STYXL2: variants seen among roughly 807,000 people sequenced by gnomAD.
The protein encoded by STYXL2 is serine/threonine/tyrosine interacting like 2, also known as serine/threonine/tyrosine-interacting-like protein 2.
In STYXL2, 44 loss-of-function variants were observed where a neutral mutation model predicts 52.4. That is an observed-to-expected ratio of 0.84 (90% CI 0.66 to 1.08). The LOEUF (loss-of-function observed/expected upper bound fraction) is 1.08. Ranked by LOEUF, STYXL2 falls within the 50% of genes least tolerant of loss-of-function variation. The probability of loss-of-function intolerance (pLI) is 0.00; values close to 1 mark genes in which losing one functional copy is unlikely to be tolerated. For missense variants in STYXL2, 1,604 were observed against 1,471.7 expected, an observed-to-expected ratio of 1.09 and a Z score of -1.47; for synonymous variants, 604 against 586.9, an observed-to-expected ratio of 1.03 and a Z score of -0.42.
intron 2 of STYXL2, among the ~76,000 whole-genome samples, chr1:167,104,051 G>A (rs1177477073): frequency 1.3e-5 from 2 of 152,006 alleles, no homozygotes; most frequent in South Asian, 4.2e-4. Context: ...ATCGGGAGGC[G>A]GAGCTTGCAG....
At chr1:167,094,455 G>C (rs541720191) in intron 1 of STYXL2, 9 of 240,464 alleles carry the variant, frequency 3.7e-5, no homozygotes, top group African/African-American at 2.0e-4. Flanking sequence ...TGAGGGGCGT[G>C]TGTGTATGCA....
chr1:167,125,528 C>T (rs1049165726), intron 5 of STYXL2, among the ~76,000 whole-genome samples: 1 of 152,166 alleles, frequency 6.6e-6, no homozygotes, highest in Admixed American at 6.5e-5. Flanking sequence ...CTCTGTTGCT[C>T]GGTTTGTGAG....
At chr1:167,114,362 T>A (rs143046339) in intron 3 of STYXL2, among the ~76,000 whole-genome samples, 3 of 152,338 alleles carry the variant, frequency 2.0e-5, no homozygotes, top group East Asian at 3.9e-4. Context: ...TTTTTTCTAA[T>A]CAATTTTAAG....
chr1:167,096,916 T>C (rs1473658759), intron 2 of STYXL2, among the ~76,000 whole-genome samples: 4 of 152,212 alleles, frequency 2.6e-5, no homozygotes, highest in South Asian at 2.1e-4. Flanking sequence ...GGTTCTCCAA[T>C]GGGTGTGCAT....
intron 2 of STYXL2, among the ~76,000 whole-genome samples, chr1:167,109,960 A>G (rs1266374121): frequency 6.6e-6 from 1 of 152,234 alleles, no homozygotes; most frequent in African/African-American, 2.4e-5. Flanking sequence ...GGACCCTCAC[A>G]GAGTCCATTT....
chr1:167,098,431 A>T (rs1383538581), intron 2 of STYXL2, among the ~76,000 whole-genome samples: 1 of 151,864 alleles, frequency 6.6e-6, no homozygotes, highest in Non-Finnish European at 1.5e-5. Context: ...AGCTATGACC[A>T]TGCCACTGCA....
At chr1:167,117,674 A>C in intron 4 of STYXL2, 115 bp downstream of exon 4, 2 of 923,340 alleles carry the variant, frequency 2.2e-6, no homozygotes, top group Non-Finnish European at 3.2e-6. Flanking sequence ...CAGCACAATG[A>C]GGCTGCCTAG....
intron 2 of STYXL2, among the ~76,000 whole-genome samples, chr1:167,098,993 G>A (rs2102220960): frequency 6.6e-6 from 1 of 152,270 alleles, no homozygotes; most frequent in African/African-American, 2.4e-5. Context: ...CATCAGAGAA[G>A]TACCAAGGTG....
chr1:167,101,612 T>G (rs1667403436), intron 2 of STYXL2, among the ~76,000 whole-genome samples: 2 of 152,122 alleles, frequency 1.3e-5, no homozygotes, highest in Non-Finnish European at 2.9e-5. Flanking sequence ...GAGACCAGCC[T>G]GTCCAACAGA....
rs143609034 is a variant in STYXL2, at chr1:167,128,552, T to C, written c.3421T>C (p.Trp1141Arg). Residue 1141 changes from tryptophan (W) to arginine (R), a missense_variant, in exon 6 of 6, where the codon TGG (tryptophan) becomes CGG (arginine). Coordinates refer to ENST00000361200, the MANE Select transcript of STYXL2 (RefSeq NM_001080426.3). Reference sequence around the variant, plus strand: ...GGACGATGAAGCCATCATTGCTGCTTGGAGACGCCGGCAAGAAGAAACCAG... The same window carrying C: ...GGACGATGAAGCCATCATTGCTGCTCGGAGACGCCGGCAAGAAGAAACCAG... The part of the protein sequence containing the change: ...EMDDEAIIAA[W>R]RRRQEETRTK... The C allele has an allele frequency of 4.3e-6, 7 of 1,613,722 alleles. No homozygotes were observed. The African/African-American group carries it at 5.3e-5, about 12-fold the overall frequency.
intron 4 of STYXL2, among the ~76,000 whole-genome samples, chr1:167,118,533 C>T (rs1667779562): frequency 1.3e-5 from 2 of 152,210 alleles, no homozygotes; most frequent in African/African-American, 4.8e-5. Flanking sequence ...TCTTCAGATA[C>T]AGAAGCATTC....
At position 167,117,323 on chromosome 1, in the gene STYXL2, T is replaced by A; in HGVS notation, c.206-5T>A. ...TCTGATGAGAATGCTGCCTGTCTCC[T>A]CTAGAACTCAAGCCACCGGGGGTCA... On this transcript the variant is annotated splice_region_variant and splice_polypyrimidine_tract_variant and intron_variant, in intron 3 of 5. Coordinates refer to ENST00000361200, the MANE Select transcript of STYXL2 (RefSeq NM_001080426.3). The A allele has an allele frequency of 6.2e-7, 1 of 1,601,534 alleles. No individual in the cohort carries two copies. The highest frequency in any genetic ancestry group is 8.5e-7 in the Non-Finnish European group (1 of 1,174,204).
chr1:167,117,550 T>C lies in STYXL2; in HGVS notation c.428T>C (p.Ile143Thr), dbSNP rs1259784293. 9 of 1,598,216 alleles carry C rather than the reference T, an allele frequency of 5.6e-6. No individual in the cohort carries two copies. Among genetic ancestry groups the C allele is most frequent in the Middle Eastern group, 1.7e-4 (1 of 6,048 alleles). The change falls in exon 4 of 6, where the codon ATA becomes ACA. Residue 143 changes from isoleucine (I) to threonine (T), a missense_variant. By Grantham distance (89) the Ile-to-Thr change is moderately conservative (BLOSUM62 -1). Transcript: ENST00000361200. ...GATGAGGTCTGGCCCAATGTCTTCA[T>C]AGCTGAGAAGTGAGTCTGACTGCTC... ...EVDEVWPNVF[I>T]AEKSVAVNKG...
Position 167,125,879 on chromosome 1 carries a change from G to A in STYXL2, c.748G>A (p.Glu250Lys), listed in dbSNP as rs540027889. 1 of 1,614,112 alleles carries A rather than the reference G, an allele frequency of 6.2e-7. No homozygotes were observed. Among genetic ancestry groups the A allele is most frequent in the Admixed American group, 1.7e-5 (1 of 60,020 alleles). Residue 250 changes from glutamate (E) to lysine (K), a missense_variant, in exon 6 of 6, where the codon GAG becomes AAG. Physicochemically the swap from Glu to Lys is moderately conservative, Grantham distance 56. Transcript: ENST00000361200. ...GATCTTCCACAACATGGCCATCCTG[G>A]AGGCTTTGATGACCGTGCGTAAGAA... is the stretch of plus-strand genomic sequence containing the variant. ...LMIFHNMAILEALMTVRKKRA... is the reference protein window; with the variant it reads ...LMIFHNMAILKALMTVRKKRA...
chr1:167,112,885 A>T (rs1275080539), intron 2 of STYXL2, among the ~76,000 whole-genome samples: 1 of 152,198 alleles, frequency 6.6e-6, no homozygotes, highest in African/African-American at 2.4e-5. Context: ...TAAGCAGAAA[A>T]AAGAAAATGA....
chr1:167,110,925 G>A (rs371364309), intron 2 of STYXL2, among the ~76,000 whole-genome samples: 11 of 152,178 alleles, frequency 7.2e-5, no homozygotes, highest in African/African-American at 9.7e-5. Flanking sequence ...GATTCCTGAC[G>A]GAAACCCCTT....
Position 167,094,899 on chromosome 1 carries a change from A to G in STYXL2, c.50A>G (p.Glu17Gly), listed in dbSNP as rs749501196. 2 of 1,613,342 alleles carry G rather than the reference A, an allele frequency of 1.2e-6. No homozygotes were observed. Among genetic ancestry groups the G allele is most frequent in the Admixed American group, 1.7e-5 (1 of 59,944 alleles). Residue 17 changes from glutamate to glycine, a missense_variant, in exon 2 of 6, where the codon GAG becomes GGG. Glu to Gly is a moderately conservative substitution (Grantham distance 98). Coordinates refer to ENST00000361200, the MANE Select transcript of STYXL2 (RefSeq NM_001080426.3). ...GAGGAGCAGGTAGTCCCAAGCGAGG[A>G]GGACGAAGCCAACGTGAGGGCGGTG... ...TEEEQVVPSE[E>G]DEANVRAVQA...
chr1:167,117,843 C>T (rs763616110), intron 4 of STYXL2, among the ~76,000 whole-genome samples: 2 of 152,238 alleles, frequency 1.3e-5, no homozygotes, highest in Non-Finnish European at 2.9e-5. Context: ...GCCACAGAGT[C>T]TTGCCGACTT....
rs1235136862 is a variant in STYXL2 at position 167,094,893 on chromosome 1, GC to G, written c.45del (p.Ser15ArgfsTer8). On this transcript the variant is annotated frameshift_variant, in exon 2 of 6. Coordinates refer to ENST00000361200, the MANE Select transcript of STYXL2 (RefSeq NM_001080426.3). LOFTEE classifies it high-confidence loss of function. Reference sequence around the variant, plus strand: ...ACAGAGGAGGAGCAGGTAGTCCCAAGCGAGGAGGACGAAGCCAACGTGAGGG... The same window carrying G: ...ACAGAGGAGGAGCAGGTAGTCCCAAGGAGGAGGACGAAGCCAACGTGAGGG... ...KDTEEEQVVP[S>X]EEDEANVRAV... is the part of the protein sequence containing the mutation. 6.2e-7 allele frequency: 1 copy of G among 1,613,332 alleles called. No individual in the cohort carries two copies. Among genetic ancestry groups the G allele is most frequent in the Non-Finnish European group, 8.5e-7 (1 of 1,179,850 alleles).
Sources: allele counts gnomAD v4.1 joint callset (sites outside exome capture counted in the v4.1 genomes callset), GRCh38; gene constraint gnomAD v4.1.1; transcripts MANE v1.5; gene names NCBI Gene and HGNC (gene_info 2026-07-23, HGNC 2026-07-21).